ITGB3BP: variants seen among roughly 807,000 people sequenced by gnomAD.
The protein encoded by ITGB3BP is centromere protein R.
A neutral mutation model predicts 29.1 loss-of-function variants in ITGB3BP; 27 were observed. That is an observed-to-expected ratio of 0.93 (90% confidence interval 0.68 to 1.28). The LOEUF (loss-of-function observed/expected upper bound fraction) is 1.28. ITGB3BP is among the 50% of genes most tolerant of loss of function. ITGB3BP has a pLI of 0.00. For synonymous variants in ITGB3BP, 61 were observed against 61.4 expected (o/e 0.99, Z 0.03); for missense variants, 192 against 200.2 (o/e 0.96, Z 0.25).
intron 3 of ITGB3BP, among the ~76,000 whole-genome samples, chr1:63,481,473 A>G (rs1173498995): frequency 6.6e-6 from 1 of 152,200 alleles, no homozygotes; most frequent in Non-Finnish European, 1.5e-5. Flanking sequence ...AAAAGTAAGC[A>G]CAATGAAAAT....
intron 4 of ITGB3BP, among the ~76,000 whole-genome samples, chr1:63,469,047 CAA>C (rs67619203): frequency 0.013 from 1,872 of 142,522 alleles, 25 homozygotes; most frequent in African/African-American, 0.035. Context: ...GAGACTGTTT[CAA>C]AAAAAAAAAA....
intron 2 of ITGB3BP, among the ~76,000 whole-genome samples, chr1:63,498,059 A>G (rs1437093568): frequency 6.6e-6 from 1 of 152,244 alleles, no homozygotes; most frequent in East Asian, 1.9e-4. Context: ...TACATAAAAC[A>G]AAAACTGGCA....
At position 63,454,953 on chromosome 1, in the gene ITGB3BP, T is replaced by C. The variant is rs1316415716; in HGVS notation, c.270A>G (p.Leu90=). The C allele has an allele frequency of 1.3e-6, 2 of 1,537,466 alleles. No individual in the cohort carries two copies. The highest frequency in any genetic ancestry group is 1.8e-6 in the Non-Finnish European group (2 of 1,111,396). The change falls in exon 5 of 9, where the codon CTA becomes CTG. Residue 90 remains leucine (L), a synonymous_variant. Transcript: ENST00000271002. This position sits in a 1 kb window ranked among gnomAD's most constrained non-coding sequence, Gnocchi z 4.1. ...CTTCTGACAATTTCTCAACTTTTGA[T>C]AGCAACATCATGAATCTAGTAATAA... ...TKDNDEFMML[L]SKVEKLSEEI... is the part of the protein sequence containing the mutation.
upstream of ITGB3BP, among the ~76,000 whole-genome samples, chr1:63,524,640 T>C (rs76751599): frequency 0.016 from 2,490 of 152,318 alleles, 26 homozygotes; most frequent in Non-Finnish European, 0.027. Context: ...TAGAGTAATA[T>C]TGGAAGCTGT....
At chr1:63,465,891 T>A (rs931449687) in intron 4 of ITGB3BP, among the ~76,000 whole-genome samples, 4 of 150,682 alleles carry the variant, frequency 2.7e-5, no homozygotes, top group South Asian at 2.1e-4. Flanking sequence ...TTTAATTAAA[T>A]TTTTTTTTTA....
At chr1:63,518,856 TTTTTAG>T (rs1285842128) in intron 1 of ITGB3BP, among the ~76,000 whole-genome samples, 1 of 152,166 alleles carries the variant, frequency 6.6e-6, no homozygotes, top group African/African-American at 2.4e-5. Context: ...CTCTATTTGT[TTTTTAG>T]GTATGCCTCT....
At chr1:63,458,930 T>C (rs1030980263) in intron 4 of ITGB3BP, among the ~76,000 whole-genome samples, 4 of 152,200 alleles carry the variant, frequency 2.6e-5, no homozygotes, top group African/African-American at 9.6e-5. Flanking sequence ...TATTGTCTTA[T>C]ATATTTTCCA....
At chr1:63,510,073 C>A in intron 1 of ITGB3BP, 1 of 604,274 alleles carries the variant, frequency 1.7e-6, no homozygotes. Context: ...GCCTGTAATC[C>A]CAACTACTCC....
intron 7 of ITGB3BP, among the ~76,000 whole-genome samples, chr1:63,448,581 T>C (rs1644821012): frequency 6.6e-6 from 1 of 152,118 alleles, no homozygotes; most frequent in Non-Finnish European, 1.5e-5. Flanking sequence ...GTTTAAAATA[T>C]GTAAACCACT....
chr1:63,446,614 C>CATCA, intron 8 of ITGB3BP, 192 bp downstream of exon 8: 1 of 569,830 alleles, frequency 1.8e-6, no homozygotes, highest in Non-Finnish European at 3.2e-6. Flanking sequence ...CAGCCTCTAA[C>CATCA]TGATGTCAGA....
At chr1:63,464,395 C>T (rs192135207) in intron 4 of ITGB3BP, among the ~76,000 whole-genome samples, 1 of 152,092 alleles carries the variant, frequency 6.6e-6, no homozygotes. Flanking sequence ...AGCAAATGTG[C>T]AAATTTATTG....
chr1:63,525,564 T>G (rs1428097124), upstream of ITGB3BP: 1 of 1,473,468 alleles, frequency 6.8e-7, no homozygotes, highest in Admixed American at 2.7e-5. Flanking sequence ...TAAATTATTT[T>G]CCAATAGAAT....
In ITGB3BP at chr1:63,474,859, C is replaced by A. The variant is rs1363607747; in HGVS notation, c.254+3905G>T. ...TTGTCCTATGACCCTGCCAAATCCC[C>A]CTCTGGGAGAAACACCCAAGAATGA... On this transcript the variant is annotated intron_variant, in intron 4 of 8. Transcript: ENST00000271002. Among the ~76,000 whole-genome samples the A allele has an allele frequency of 1.1e-4, 17 of 151,142 alleles. No homozygotes were observed. The East Asian group carries it at 3.1e-3, about 28-fold the overall frequency.
chr1:63,523,543 A>G (rs1646514264), upstream of ITGB3BP: 35 of 261,404 alleles, frequency 1.3e-4, 1 homozygote, highest in South Asian at 1.3e-3. Flanking sequence ...TGGTGATTAG[A>G]GAAAGGCCGA....
At chr1:63,523,530 C>T (rs1185811610), upstream of ITGB3BP, 2 of 271,082 alleles carry the variant, frequency 7.4e-6, no homozygotes, top group Non-Finnish European at 1.5e-5. Context: ...GGTGCAGTTG[C>T]CATGGTGATT....
At chr1:63,499,524 T>C (rs1237869296) in intron 2 of ITGB3BP, among the ~76,000 whole-genome samples, 3 of 152,172 alleles carry the variant, frequency 2.0e-5, no homozygotes, top group African/African-American at 7.2e-5. Flanking sequence ...CACTTCCTAA[T>C]TCTTTGAAGC....
At chr1:63,514,944 C>CAAAAA (rs55738892) in intron 1 of ITGB3BP, among the ~76,000 whole-genome samples, 1 of 117,108 alleles carries the variant, frequency 8.5e-6, no homozygotes, top group African/African-American at 3.2e-5. Context: ...GACTCTGTCT[C>CAAAAA]AAAAAAAAAA....
chr1:63,441,211 AGT>A (rs1415301311), intron 8 of ITGB3BP, 108 bp from the exon 9 acceptor site: 9 of 152,136 alleles, frequency 5.9e-5, no homozygotes, highest in Non-Finnish European at 1.2e-4. Flanking sequence ...TTTGGTACCT[AGT>A]TTAGTTAGAT....
At chr1:63,449,584 A>G (rs1042109460) in intron 7 of ITGB3BP, 4 of 152,768 alleles carry the variant, frequency 2.6e-5, no homozygotes, top group Non-Finnish European at 5.9e-5. Flanking sequence ...CATTAACATT[A>G]TTAATAGGAA....
Sources: gnomAD v4.1 joint callset for allele counts (sites outside exome capture counted in the v4.1 genomes callset) on GRCh38, gnomAD v4.1.1 for gene constraint, Gnocchi (gnomAD v3.1) non-coding constraint, MANE v1.5 for transcripts, NCBI Gene and HGNC (gene_info 2026-07-23, HGNC 2026-07-21) for gene names.